Variants in OR4F5 observed in about 807,000 individuals in gnomAD.
OR4F5 encodes the protein olfactory receptor family 4 subfamily F member 5, also known as olfactory receptor 4F5.
A neutral mutation model predicts 5.8 loss-of-function variants in OR4F5; 1 was observed. That is an observed-to-expected ratio of 0.17 (90% confidence interval 0.06 to 0.82). The LOEUF (loss-of-function observed/expected upper bound fraction) is 0.82. Among genes scored for constraint, OR4F5 ranks in the 40% least tolerant of loss-of-function variants. OR4F5 has a pLI of 0.72. For synonymous variants in OR4F5, 18 were observed against 63.7 expected (o/e 0.28, Z 3.42); for missense variants, 47 against 175.5 (o/e 0.27, Z 4.14).
At chr1:66,982 A>G (rs1639955043) in intron 2 of OR4F5, among the ~76,000 whole-genome samples, 2 of 105,098 alleles carry the variant, frequency 1.9e-5, no homozygotes, top group South Asian at 2.9e-4. Context: ...TTTGCTACAG[A>G]TGAGAACCCT....
At chr1:66,595 T>C (rs1164934348) in intron 2 of OR4F5, among the ~76,000 whole-genome samples, 1 of 87,462 alleles carries the variant, frequency 1.1e-5, no homozygotes, top group Non-Finnish European at 2.5e-5. Flanking sequence ...TATATAAATA[T>C]ATTTATATAT....
rs1473984284 is a variant in OR4F5 at position 66,503 on chromosome 1, TTATTATATAATATA to T, written c.9+953_9+966del. Among the ~76,000 whole-genome samples the T allele has an allele frequency of 1.5e-3, 90 of 60,098 alleles. 1 individual carries two copies. Among genetic ancestry groups the T allele is most frequent in the African/African-American group, 3.7e-3 (79 of 21,376 alleles). 39.4% of individuals were successfully genotyped at this position (60,098 alleles called of 152,430 possible). A position where few individuals can be genotyped will look rare whatever the true frequency, so the allele number is the denominator to read the frequency against. ...ATATTTATAGAATATAATATATATTTTATTATATAATATATATTATATAATATATATTATATTTA... is the reference window on the plus strand; with the variant it reads ...ATATTTATAGAATATAATATATATTTTATTATATAATATATATTATATTTA... On this transcript the variant is annotated intron_variant, in intron 2 of 2. Transcript: ENST00000641515.
At chr1:68,165 G>A (rs1457234062) in intron 2 of OR4F5, among the ~76,000 whole-genome samples, 3 of 49,728 alleles carry the variant, frequency 6.0e-5, no homozygotes, top group African/African-American at 8.8e-5. Flanking sequence ...AGGTCATTCA[G>A]ATACATAGTA....
intron 2 of OR4F5, among the ~76,000 whole-genome samples, chr1:66,595 T>G (rs1164934348): frequency 1.1e-5 from 1 of 87,430 alleles, no homozygotes; most frequent in Non-Finnish European, 2.5e-5. Flanking sequence ...TATATAAATA[T>G]ATTTATATAT....
chr1:68,251 G>A lies in OR4F5; in HGVS notation c.10-786G>A, dbSNP rs1377261340. On this transcript the variant is annotated intron_variant, in intron 2 of 2. Transcript: ENST00000641515. Reference sequence around the variant, plus strand: ...AACTACTTTAATACGTTGCTCGATGGGATCTTACAGGTCTTCATTCACCCC... The same window carrying A: ...AACTACTTTAATACGTTGCTCGATGAGATCTTACAGGTCTTCATTCACCCC... 2.9e-5 allele frequency among the ~76,000 whole-genome samples: 3 copies of A among 104,258 alleles called. 1 individual carries two copies. The highest frequency in any genetic ancestry group is 4.8e-5 in the Non-Finnish European group (2 of 41,790). 68.4% of individuals were successfully genotyped at this position (104,258 alleles called of 152,430 possible).
At position 66,143 on chromosome 1, in the gene OR4F5, A is replaced by G. The variant is rs1233671312; in HGVS notation, c.9+570A>G. 1.0e-4 allele frequency among the ~76,000 whole-genome samples: 11 copies of G among 105,762 alleles called. 1 individual carries two copies. Among genetic ancestry groups the G allele is most frequent in the Non-Finnish European group, 2.1e-4 (10 of 48,160 alleles). The allele number at this position is 105,762 out of a possible 152,430, so 69.4% of individuals were successfully genotyped here. On this transcript the variant is annotated intron_variant, in intron 2 of 2. Coordinates refer to ENST00000641515, the MANE Select transcript of OR4F5 (RefSeq NM_001005484.2). ...TACTCCCATCTCACTGAGACTTACTATAAGGACATAAGGCATTTATATATA... is the reference window on the plus strand; with the variant it reads ...TACTCCCATCTCACTGAGACTTACTGTAAGGACATAAGGCATTTATATATA...
chr1:65,894 GT>G (rs1315206385), intron 2 of OR4F5, among the ~76,000 whole-genome samples: 1 of 104,208 alleles, frequency 9.6e-6, no homozygotes, highest in African/African-American at 2.9e-5. Context: ...CCCAGGTCCG[GT>G]GTTTTCTTAC....
chr1:66,237 AT>A (rs1332959667), intron 2 of OR4F5, among the ~76,000 whole-genome samples: 1 of 50,504 alleles, frequency 2.0e-5, no homozygotes, highest in Non-Finnish European at 5.0e-5. Flanking sequence ...TATATAATAT[AT>A]ATTATATTAT....
intron 2 of OR4F5, among the ~76,000 whole-genome samples, chr1:66,551 ATATAT>A (rs1199020098): frequency 1.2e-5 from 1 of 83,710 alleles, no homozygotes; most frequent in Admixed American, 2.0e-4. Flanking sequence ...TATATATAAC[ATATAT>A]TATTATATAA....
chr1:66,124 C>T (rs1639932757), intron 2 of OR4F5, among the ~76,000 whole-genome samples: 1 of 110,410 alleles, frequency 9.1e-6, no homozygotes, highest in African/African-American at 2.9e-5. Flanking sequence ...TGCCTACTCC[C>T]ATCTCACTGA....
chr1:66,967 A>C (rs992210531), intron 2 of OR4F5, among the ~76,000 whole-genome samples: 1 of 105,356 alleles, frequency 9.5e-6, no homozygotes, highest in East Asian at 2.0e-4. Flanking sequence ...CATGATAGAA[A>C]GTCTTTTGCT....
At chr1:66,369 T>C (rs1159079632) in intron 2 of OR4F5, among the ~76,000 whole-genome samples, 1 of 15,722 alleles carries the variant, frequency 6.4e-5, no homozygotes, top group African/African-American at 2.0e-4. Context: ...TATATAAATA[T>C]AATATATAAA....
Position 69,116 on chromosome 1 carries a change from GTC to G in OR4F5, c.95_96del (p.Ser32Ter). On this transcript the variant is annotated frameshift_variant, in exon 3 of 3. Transcript: ENST00000641515. LOFTEE classifies it high-confidence loss of function. Reference sequence around the variant, plus strand: ...ATGGTGACTGAATTCATTTTTCTGGGTCTCTCTGATTCTCAGGAACTCCAGAC... The same window carrying G: ...ATGGTGACTGAATTCATTTTTCTGGGTCTCTGATTCTCAGGAACTCCAGAC... The G allele has an allele frequency of 8.9e-6, 3 of 337,716 alleles. No individual in the cohort carries two copies. The highest frequency in any genetic ancestry group is 2.7e-5 in the South Asian group (1 of 36,398). The allele number at this position is 337,716 out of a possible 1,614,324, so 20.9% of individuals were successfully genotyped here.
At chr1:68,319 T>C (rs1430496511) in intron 2 of OR4F5, among the ~76,000 whole-genome samples, 2 of 113,034 alleles carry the variant, frequency 1.8e-5, no homozygotes, top group African/African-American at 5.4e-5. Flanking sequence ...TTACCTATTG[T>C]TAGGCTTAAA....
At chr1:66,239 ATTATATT>A (rs1437246417) in intron 2 of OR4F5, among the ~76,000 whole-genome samples, 1 of 31,310 alleles carries the variant, frequency 3.2e-5, no homozygotes, top group African/African-American at 1.3e-4. Context: ...TATAATATAT[ATTATATT>A]ATATAATATA....
intron 2 of OR4F5, among the ~76,000 whole-genome samples, chr1:66,381 TA>T (rs1639942831): frequency 3.1e-5 from 2 of 65,266 alleles, no homozygotes; most frequent in African/African-American, 1.1e-4. Flanking sequence ...ATATATAAAT[TA>T]TATAATATAA....
At chr1:66,281 A>AT in intron 2 of OR4F5, among the ~76,000 whole-genome samples, 1 of 41,682 alleles carries the variant, frequency 2.4e-5, no homozygotes, top group East Asian at 3.2e-4. Flanking sequence ...TATAAATTAT[A>AT]TTATATAATA....
intron 2 of OR4F5, among the ~76,000 whole-genome samples, chr1:66,560 T>A (rs1166593535): frequency 1.5e-5 from 1 of 68,474 alleles, no homozygotes; most frequent in African/African-American, 4.0e-5. Flanking sequence ...CATATATTAT[T>A]ATATAAAATA....
At chr1:68,305 G>T (rs374552273) in intron 2 of OR4F5, among the ~76,000 whole-genome samples, 1 of 112,956 alleles carries the variant, frequency 8.9e-6, no homozygotes, top group East Asian at 2.0e-4. Flanking sequence ...ACAACCTGCA[G>T]CTATTACCTA....
Sources: allele counts gnomAD v4.1 joint callset (sites outside exome capture counted in the v4.1 genomes callset), GRCh38; gene constraint gnomAD v4.1.1; transcripts MANE v1.5; gene names NCBI Gene and HGNC (gene_info 2026-07-23, HGNC 2026-07-21).